KIAA0825: variants seen among roughly 807,000 people sequenced by gnomAD.
KIAA0825 encodes the protein KIAA0825.
Under a neutral mutation model 147.6 loss-of-function variants are expected in KIAA0825, and 119 were observed. The ratio of observed to expected loss-of-function variants is 0.81; its 90% CI spans 0.69 to 0.94. The LOEUF (loss-of-function observed/expected upper bound fraction) is 0.94, where lower values mean the gene tolerates loss of function less well. Ranked by LOEUF, KIAA0825 falls within the 40% of genes least tolerant of loss-of-function variation. The probability of loss-of-function intolerance (pLI) is 0.00; values close to 1 mark genes in which losing one functional copy is unlikely to be tolerated. For synonymous variants in KIAA0825, 470 were observed against 518.1 expected (o/e 0.91, Z 1.26); for missense variants, 1,381 against 1,472.7 (o/e 0.94, Z 1.02).
At chr5:94,504,486 C>T (rs887074793) in intron 5 of KIAA0825, among the ~76,000 whole-genome samples, 8 of 152,208 alleles carry the variant, frequency 5.3e-5, no homozygotes, top group East Asian at 1.9e-4. Flanking sequence ...AAATAGTCTG[C>T]GCTCCTTTAT....
intron 15 of KIAA0825, among the ~76,000 whole-genome samples, chr5:94,408,143 A>C (rs1336657611): frequency 6.6e-6 from 1 of 152,170 alleles, no homozygotes; most frequent in Non-Finnish European, 1.5e-5. Context: ...TGGTTTGCCA[A>C]CTTCTAGTTT....
chr5:94,406,392 T>C (rs1011967132), intron 15 of KIAA0825, among the ~76,000 whole-genome samples: 1 of 152,230 alleles, frequency 6.6e-6, no homozygotes, highest in Non-Finnish European at 1.5e-5. Context: ...TAGTAATATA[T>C]GAATTCTCCA....
chr5:94,226,470 A>T (rs2150074979), intron 20 of KIAA0825, among the ~76,000 whole-genome samples: 1 of 152,240 alleles, frequency 6.6e-6, no homozygotes, highest in Non-Finnish European at 1.5e-5. Context: ...TTCCTCAAGG[A>T]TCTGAAACTA....
At chr5:94,547,303 A>G (rs1326974096) in intron 2 of KIAA0825, among the ~76,000 whole-genome samples, 1 of 152,146 alleles carries the variant, frequency 6.6e-6, no homozygotes, top group Non-Finnish European at 1.5e-5. Flanking sequence ...GAAAGAAATA[A>G]TTTTAAAAAT....
chr5:94,380,692 A>G (rs947862238), intron 20 of KIAA0825, among the ~76,000 whole-genome samples: 21 of 152,264 alleles, frequency 1.4e-4, no homozygotes, highest in Non-Finnish European at 2.9e-4. Context: ...TCTCAGATGG[A>G]CAAGATGGCA....
intron 20 of KIAA0825, among the ~76,000 whole-genome samples, chr5:94,181,427 C>T (rs1769603858): frequency 6.6e-6 from 1 of 152,102 alleles, no homozygotes; most frequent in Non-Finnish European, 1.5e-5. Context: ...TTTCCATTCC[C>T]TTTATTCTTT....
chr5:94,238,346 A>G (rs1303577663), intron 20 of KIAA0825, among the ~76,000 whole-genome samples: 2 of 152,194 alleles, frequency 1.3e-5, no homozygotes, highest in Non-Finnish European at 2.9e-5. Flanking sequence ...ATTTATATTA[A>G]CAAAATGATT....
chr5:94,511,791 C>T (rs1253282932), intron 5 of KIAA0825, among the ~76,000 whole-genome samples: 1 of 151,938 alleles, frequency 6.6e-6, no homozygotes, highest in Non-Finnish European at 1.5e-5. Flanking sequence ...AGTTTGAGAC[C>T]AGCCTGTCCA....
intron 20 of KIAA0825, among the ~76,000 whole-genome samples, chr5:94,276,114 G>A (rs1777212439): frequency 6.6e-6 from 1 of 152,060 alleles, no homozygotes; most frequent in Admixed American, 6.6e-5. Context: ...AAGCACACCA[G>A]GAAAAGTGAA....
intron 2 of KIAA0825, chr5:94,570,739 C>T (rs998195607): frequency 1.3e-5 from 2 of 152,174 alleles, no homozygotes; most frequent in African/African-American, 4.8e-5. Flanking sequence ...GACTTCCTTC[C>T]AAGGACAAAT....
At chr5:94,178,421 T>C (rs1162871058) in intron 20 of KIAA0825, among the ~76,000 whole-genome samples, 1 of 151,984 alleles carries the variant, frequency 6.6e-6, no homozygotes, top group East Asian at 1.9e-4. Context: ...TTATATGATG[T>C]GATCTGTCTT....
chr5:94,417,455 T>C, intron 14 of KIAA0825, 90 bp from the exon 15 acceptor site: 1 of 996,106 alleles, frequency 1.0e-6, no homozygotes, highest in Non-Finnish European at 1.4e-6. Context: ...ACTAGCATAA[T>C]GCTGTGGAAA....
chr5:94,529,296 CATATATATGTATATATCAT>C (rs1311674860), intron 3 of KIAA0825, among the ~76,000 whole-genome samples: 5 of 136,924 alleles, frequency 3.7e-5, no homozygotes, highest in African/African-American at 1.5e-4. Context: ...ATGTATATAT[CATATATATGTATATATCAT>C]ATATATGTAT....
chr5:94,352,940 G>T (rs899597386), intron 20 of KIAA0825, among the ~76,000 whole-genome samples: 4 of 149,074 alleles, frequency 2.7e-5, no homozygotes, highest in Admixed American at 6.7e-5. Flanking sequence ...AGTGGGAGGG[G>T]GGTGAGGGCT....
intron 20 of KIAA0825, among the ~76,000 whole-genome samples, chr5:94,345,996 A>G (rs1262723681): frequency 6.6e-6 from 1 of 152,156 alleles, no homozygotes; most frequent in Admixed American, 6.5e-5. Context: ...TTTTCCATAC[A>G]ATGTCTGTAA....
intron 1 of KIAA0825, chr5:94,594,111 T>A (rs570533220): frequency 2.2e-4 from 123 of 547,040 alleles, no homozygotes; most frequent in African/African-American, 2.2e-3. Context: ...TTGGTTTCTC[T>A]TTGGCCACAC....
chr5:94,215,191 CAA>C (rs1773088404), intron 20 of KIAA0825, among the ~76,000 whole-genome samples: 1 of 152,036 alleles, frequency 6.6e-6, no homozygotes, highest in Non-Finnish European at 1.5e-5. Context: ...AAATGGCAAT[CAA>C]GAGAAGATAA....
intron 16 of KIAA0825, among the ~76,000 whole-genome samples, chr5:94,402,506 T>G (rs1751510315): frequency 6.6e-6 from 1 of 151,968 alleles, no homozygotes; most frequent in Admixed American, 6.6e-5. Context: ...TAATAGGGCT[T>G]GGACAGAATT....
At position 94,159,497 on chromosome 5, in the gene KIAA0825, G is replaced by A. The variant is rs537967697; in HGVS notation, c.3711-5373C>T. Among the ~76,000 whole-genome samples, 4 of 152,114 alleles carry A rather than the reference G, an allele frequency of 2.6e-5. No individual in the cohort carries two copies. The South Asian group carries it at 8.3e-4, about 32-fold the overall frequency. ...CTCCTACCTTGATGTGCTTTCTCAC[G>A]TTCTGTGTCTTTCACATTGTTTTAT... On this transcript the variant is annotated intron_variant, in intron 20 of 20. Transcript: ENST00000682413.
Sources: gnomAD v4.1 joint callset for allele counts (sites outside exome capture counted in the v4.1 genomes callset) on GRCh38, gnomAD v4.1.1 for gene constraint, MANE v1.5 for transcripts, NCBI Gene and HGNC (gene_info 2026-07-23, HGNC 2026-07-21) for gene names.